Variants in USP24 observed in about 807,000 individuals in gnomAD.
The protein encoded by USP24 is ubiquitin carboxyl-terminal hydrolase 24.
In USP24, 97 loss-of-function variants were observed where a neutral mutation model predicts 361.6. The observed-to-expected ratio is 0.27, with a 90% CI of 0.23 to 0.32. USP24 has a LOEUF of 0.32. Ranked by LOEUF, USP24 falls within the 10% of genes least tolerant of loss-of-function variation. USP24 has a pLI of 1.00. For synonymous variants in USP24, 1,098 were observed against 1,124.6 expected, an observed-to-expected ratio of 0.98 and a Z score of 0.47; for missense variants, 2,353 against 3,165.6, an observed-to-expected ratio of 0.74 and a Z score of 6.16.
intron 44 of USP24, 125 bp from the exon 45 acceptor site, chr1:55,099,994 T>C (rs751502283): frequency 2.3e-4 from 153 of 654,504 alleles, no homozygotes; most frequent in Admixed American, 1.4e-3. Flanking sequence ...TGTGGACATT[T>C]CTAGTGAAGT....
chr1:55,144,142 T>C lies in USP24; in HGVS notation c.2424A>G (p.Arg808=), dbSNP rs1646967021. 1 of 1,608,098 alleles carries C rather than the reference T, an allele frequency of 6.2e-7. No individual in the cohort carries two copies. Among genetic ancestry groups the C allele is most frequent in the African/African-American group, 1.3e-5 (1 of 74,562 alleles). The change falls in exon 21 of 68, where the codon AGA becomes AGG. Residue 808 remains arginine, a synonymous_variant. Transcript: ENST00000294383. The part of the protein sequence containing the change: ...NVNLCDHRLK[R]QGAQLYVEKL... ...ACGTACTTACCAACTGAGCTCCTTG[T>C]CTTTTCAATCGATGATCACAAAGAT...
At chr1:55,078,709 G>A in intron 60 of USP24, 58 bp from the exon 61 acceptor site, 3 of 1,365,938 alleles carry the variant, frequency 2.2e-6, no homozygotes, top group East Asian at 2.5e-5. Context: ...CACTCCATCT[G>A]TTGTTGCTGC....
intron 10 of USP24, 24 bp from the exon 11 acceptor site, chr1:55,157,394 C>CT (rs1647786877): frequency 7.5e-7 from 1 of 1,328,528 alleles, no homozygotes; most frequent in Non-Finnish European, 1.1e-6. Flanking sequence ...ATTATTGTGA[C>CT]TGAGTCTAAT....
intron 26 of USP24, 39 bp downstream of exon 26, chr1:55,138,569 A>G (rs1005374870): frequency 7.0e-7 from 1 of 1,423,630 alleles, no homozygotes; most frequent in African/African-American, 1.4e-5. Flanking sequence ...AAATAATAAG[A>G]CAACATGAAA....
At chr1:55,165,465 A>G (rs148673335) in intron 7 of USP24, among the ~76,000 whole-genome samples, 1 of 152,234 alleles carries the variant, frequency 6.6e-6, no homozygotes, top group Admixed American at 6.5e-5. Context: ...AAGTTTTTGT[A>G]ACACCAAAAA....
chr1:55,135,957 T>G (rs915813108), intron 28 of USP24, among the ~76,000 whole-genome samples: 1 of 152,186 alleles, frequency 6.6e-6, no homozygotes, highest in African/African-American at 2.4e-5. Context: ...ACCTATCATG[T>G]TCTAGGCACT....
At chr1:55,111,023 C>T (rs1161957752) in intron 38 of USP24, among the ~76,000 whole-genome samples, 1 of 151,998 alleles carries the variant, frequency 6.6e-6, no homozygotes, top group African/African-American at 2.4e-5. Flanking sequence ...AACTGCCAAA[C>T]TCATTAGGCC....
At chr1:55,069,175 T>C (rs1644869458) in intron 67 of USP24, 68 bp from the exon 68 acceptor site, 1 of 1,536,254 alleles carries the variant, frequency 6.5e-7, no homozygotes, top group South Asian at 1.1e-5. Context: ...TGACTTGTGT[T>C]CTGCAATTTA....
chr1:55,166,034 G>A (rs1227450807), intron 6 of USP24, 84 bp from the exon 7 acceptor site: 6 of 1,290,412 alleles, frequency 4.6e-6, no homozygotes, highest in South Asian at 4.6e-5. Flanking sequence ...CATAGTAGGT[G>A]TATATGTTTA....
At chr1:55,138,877 C>T in intron 25 of USP24, 67 bp downstream of exon 25, 1 of 1,524,960 alleles carries the variant, frequency 6.6e-7, no homozygotes, top group East Asian at 2.3e-5. Context: ...GCTAGAAAGG[C>T]TGAGGTGGGA....
At chr1:55,146,161 T>C in intron 19 of USP24, 52 bp from the exon 20 acceptor site, 1 of 1,302,280 alleles carries the variant, frequency 7.7e-7, no homozygotes, top group Non-Finnish European at 1.1e-6. Flanking sequence ...TTCAGGCACA[T>C]ACATATTCCA....
Position 55,125,930 on chromosome 1 carries a change from C to T in USP24, c.3636-172G>A, listed in dbSNP as rs138934763. Among the ~76,000 whole-genome samples the T allele has an allele frequency of 6.6e-3, 1,006 of 152,306 alleles. 14 individuals are homozygous for T. The highest frequency in any genetic ancestry group is 0.023 in the African/African-American group (954 of 41,552). ...AATAATTTCCTATGATACCTATAAG[C>T]TTCCTAACTATTCTCCCTGCTTCTG... is the stretch of plus-strand genomic sequence containing the variant. On this transcript the variant is annotated intron_variant, in intron 32 of 67. Coordinates refer to ENST00000294383, the MANE Select transcript of USP24 (RefSeq NM_015306.3).
chr1:55,078,631 C>G lies in USP24; in HGVS notation c.7221G>C (p.Glu2407Asp). 6.2e-7 allele frequency: 1 copy of G among 1,608,740 alleles called. No individual in the cohort carries two copies. The highest frequency in any genetic ancestry group is 8.5e-7 in the Non-Finnish European group (1 of 1,178,672). ...YLLEVMFALR[E>D]LTGSLLALIE... ...TGAGTGCCAAGAGCGAGCCTGTCAG[C>G]TCCCGCAAAGCAAACATTACCTGGT... Residue 2407 changes from glutamate (E) to aspartate (D), a missense_variant, in exon 61 of 68, where the codon GAG (glutamate) becomes GAC (aspartate). Physicochemically the swap from Glu to Asp is conservative, Grantham distance 45. Around this residue, in one of 8 missense-constraint regions of USP24, gnomAD observed 598 missense variants for 761.9 expected, o/e 0.78. Coordinates refer to ENST00000294383, the MANE Select transcript of USP24 (RefSeq NM_015306.3).
At chr1:55,202,479 A>G (rs1367028408) in intron 1 of USP24, among the ~76,000 whole-genome samples, 1 of 151,252 alleles carries the variant, frequency 6.6e-6, no homozygotes, top group African/African-American at 2.4e-5. Flanking sequence ...ATCTCGGCTC[A>G]CTGCAAACTC....
intron 58 of USP24, among the ~76,000 whole-genome samples, chr1:55,082,790 A>G (rs1223310500): frequency 1.3e-5 from 2 of 152,318 alleles, no homozygotes; most frequent in African/African-American, 2.4e-5. Flanking sequence ...ACAGAGTGAG[A>G]CCTTGTCTCA....
At chr1:55,161,545 T>C (rs1267165255) in intron 8 of USP24, among the ~76,000 whole-genome samples, 1 of 152,142 alleles carries the variant, frequency 6.6e-6, no homozygotes, top group Non-Finnish European at 1.5e-5. Context: ...AAACCATTTA[T>C]GGTGATTTTT....
intron 38 of USP24, among the ~76,000 whole-genome samples, chr1:55,111,543 G>A (rs755876700): frequency 5.9e-5 from 9 of 151,840 alleles, no homozygotes; most frequent in Non-Finnish European, 1.0e-4. Flanking sequence ...ATTTTAACTA[G>A]GAAAAGTTGG....
rs1400191917 is a variant in USP24 at position 55,096,969 on chromosome 1, G to A, written c.5919C>T (p.Ser1973=). The change falls in exon 49 of 68, where the codon TCC becomes TCT. Residue 1973 remains serine, a synonymous_variant. Coordinates refer to ENST00000294383, the MANE Select transcript of USP24 (RefSeq NM_015306.3). ...SGQAHAGHYY[S]FIKDRRGCGK... is the part of the protein sequence containing the mutation. ...ACTCTTACCGCCTGTCCTTAATGAA[G>A]GAATAGTAGTGGCCTGCGTGTGCCT... The A allele has an allele frequency of 1.2e-6, 2 of 1,613,716 alleles. No individual in the cohort carries two copies. Among genetic ancestry groups the A allele is most frequent in the Admixed American group, 1.7e-5 (1 of 59,984 alleles).
chr1:55,091,600 A>G (rs1252589512), intron 54 of USP24, among the ~76,000 whole-genome samples: 2 of 152,248 alleles, frequency 1.3e-5, no homozygotes, highest in Non-Finnish European at 2.9e-5. Flanking sequence ...GGAGTCTCTC[A>G]CACGTCCTAC....
Sources: gnomAD v4.1 joint callset for allele counts (sites outside exome capture counted in the v4.1 genomes callset) on GRCh38, gnomAD v4.1.1 for gene constraint, gnomAD v4.1.1 regional missense constraint, MANE v1.5 for transcripts, NCBI Gene and HGNC (gene_info 2026-07-23, HGNC 2026-07-21) for gene names.